Variants in ADAM9 observed in about 807,000 individuals in gnomAD.
The protein encoded by ADAM9 is disintegrin and metalloproteinase domain-containing protein 9.
Under a neutral mutation model 108.1 loss-of-function variants are expected in ADAM9, and 54 were observed. The ratio of observed to expected loss-of-function variants is 0.50; its 90% CI spans 0.40 to 0.63. The LOEUF is 0.63. Ranked by LOEUF, ADAM9 falls within the 20% of genes least tolerant of loss-of-function variation. ADAM9 has a pLI of 0.00. For synonymous variants in ADAM9, 316 were observed against 336.0 expected (o/e 0.94, Z 0.65); for missense variants, 830 against 997.7 (o/e 0.83, Z 2.26).
chr8:39,069,508 A>G (rs1449990151), intron 14 of ADAM9, among the ~76,000 whole-genome samples: 1 of 152,218 alleles, frequency 6.6e-6, no homozygotes, highest in African/African-American at 2.4e-5. Context: ...ATAAGTGAAG[A>G]ACTTGAGAGC....
intron 20 of ADAM9, among the ~76,000 whole-genome samples, chr8:39,099,911 G>A (rs1268597805): frequency 3.9e-4 from 52 of 133,638 alleles, no homozygotes; most frequent in Admixed American, 3.7e-3. Context: ...ATGGAGTCTC[G>A]CTGTGTTGCA....
At chr8:39,103,531 T>C (rs1293854539) in intron 21 of ADAM9, 76 bp from the exon 22 acceptor site, 30 of 1,365,494 alleles carry the variant, frequency 2.2e-5, no homozygotes, top group Admixed American at 5.0e-5. Flanking sequence ...GATGGTGTTA[T>C]GTTGAGCTTG....
At chr8:39,100,699 C>T (rs1839665249) in intron 20 of ADAM9, among the ~76,000 whole-genome samples, 1 of 152,148 alleles carries the variant, frequency 6.6e-6, no homozygotes, top group Non-Finnish European at 1.5e-5. Context: ...GATAGACCAC[C>T]TGTTCTATGG....
At chr8:39,083,501 A>G (rs1005212919) in intron 18 of ADAM9, among the ~76,000 whole-genome samples, 3 of 152,156 alleles carry the variant, frequency 2.0e-5, no homozygotes, top group East Asian at 1.9e-4. Flanking sequence ...TCATTTCACT[A>G]TGTTGAAGAC....
intron 9 of ADAM9, among the ~76,000 whole-genome samples, chr8:39,025,287 G>A (rs573842332): frequency 3.9e-5 from 6 of 152,112 alleles, no homozygotes; most frequent in African/African-American, 1.4e-4. Flanking sequence ...AGTAGAGATG[G>A]GGTTTCATGA....
At chr8:39,056,760 T>C (rs1237574421) in intron 14 of ADAM9, among the ~76,000 whole-genome samples, 1 of 152,164 alleles carries the variant, frequency 6.6e-6, no homozygotes, top group Non-Finnish European at 1.5e-5. Flanking sequence ...GATTGTGCCT[T>C]GAGTTGATTA....
chr8:39,094,906 ATTT>A lies in ADAM9; in HGVS notation c.2298+3563_2298+3565del, dbSNP rs1355744133. ...ATACTATTTTTCCAGTATTTCATTCATTTTTGCTCTGAACTTCACTATTCCCTT... is the reference window on the plus strand; with the variant it reads ...ATACTATTTTTCCAGTATTTCATTCATTGCTCTGAACTTCACTATTCCCTT... On this transcript the variant is annotated intron_variant, in intron 20 of 21. Coordinates refer to ENST00000487273, the MANE Select transcript of ADAM9 (RefSeq NM_003816.3). Among the ~76,000 whole-genome samples, 112 of 151,944 alleles carry A rather than the reference ATTT, an allele frequency of 7.4e-4. 1 individual carries two copies. Among genetic ancestry groups the A allele is most frequent in the African/African-American group, 2.6e-3 (106 of 41,444 alleles).
chr8:39,013,894 T>G, intron 3 of ADAM9, 71 bp from the exon 4 acceptor site: 1 of 1,172,138 alleles, frequency 8.5e-7, no homozygotes, highest in Admixed American at 1.7e-5. Context: ...CTAGGAATAA[T>G]GCCTTATGAA....
chr8:39,057,593 C>T (rs901612663), intron 14 of ADAM9, among the ~76,000 whole-genome samples: 1 of 152,034 alleles, frequency 6.6e-6, no homozygotes, highest in African/African-American at 2.4e-5. Flanking sequence ...AGAAGTCTGG[C>T]AGGCTCATGA....
chr8:39,084,817 T>C (rs182742776), intron 18 of ADAM9, among the ~76,000 whole-genome samples: 1 of 152,268 alleles, frequency 6.6e-6, no homozygotes, highest in Non-Finnish European at 1.5e-5. Context: ...TAACTGCCAA[T>C]TTGCCTATTT....
intron 1 of ADAM9, among the ~76,000 whole-genome samples, chr8:39,002,033 T>TAA (rs35778686): frequency 0.041 from 4,399 of 108,476 alleles, 259 homozygotes; most frequent in African/African-American, 0.13. Context: ...CTAGAATGAT[T>TAA]AAAAAAAAAA....
chr8:39,077,828 C>G (rs752835910), intron 16 of ADAM9, among the ~76,000 whole-genome samples: 5 of 152,136 alleles, frequency 3.3e-5, no homozygotes, highest in African/African-American at 4.8e-5. Flanking sequence ...GTCAGTCAGC[C>G]CATGACTTAT....
chr8:39,059,071 C>A (rs1441272463), intron 14 of ADAM9, among the ~76,000 whole-genome samples: 1 of 152,168 alleles, frequency 6.6e-6, no homozygotes, highest in Non-Finnish European at 1.5e-5. Context: ...ATGGTAAGGC[C>A]AGTGAATTCC....
chr8:39,027,531 A>T (rs1836960675), intron 11 of ADAM9, among the ~76,000 whole-genome samples: 1 of 152,192 alleles, frequency 6.6e-6, no homozygotes, highest in East Asian at 1.9e-4. Context: ...GCTGACTGGG[A>T]TTCAAAGTCA....
intron 12 of ADAM9, among the ~76,000 whole-genome samples, chr8:39,049,570 C>T (rs1017460258): frequency 2.6e-5 from 4 of 151,648 alleles, no homozygotes; most frequent in African/African-American, 7.3e-5. Context: ...TCCCAAGTAG[C>T]TGGGACTACA....
chr8:39,011,877 G>A (rs1211548309), intron 3 of ADAM9, among the ~76,000 whole-genome samples, 161 bp downstream of exon 3: 2 of 152,218 alleles, frequency 1.3e-5, no homozygotes, highest in Non-Finnish European at 2.9e-5. Context: ...TGGGCAGGCA[G>A]TGACTTCTAA....
intron 11 of ADAM9, among the ~76,000 whole-genome samples, chr8:39,032,131 AC>A (rs1441125944): frequency 6.6e-6 from 1 of 152,220 alleles, no homozygotes; most frequent in Non-Finnish European, 1.5e-5. Context: ...GGTGTCAGGG[AC>A]CCACTTGAGG....
At chr8:39,083,163 C>G in intron 18 of ADAM9, 90 bp downstream of exon 18, 1 of 900,470 alleles carries the variant, frequency 1.1e-6, no homozygotes, top group South Asian at 1.4e-5. Context: ...CTTCCCACAT[C>G]AGTTATACAT....
chr8:39,037,648 C>T (rs1406334920), intron 11 of ADAM9, among the ~76,000 whole-genome samples: 3 of 151,732 alleles, frequency 2.0e-5, no homozygotes, highest in Non-Finnish European at 4.4e-5. Context: ...AATTCCTGGG[C>T]TCAAGTGATC....
Sources: gnomAD v4.1 joint callset for allele counts (sites outside exome capture counted in the v4.1 genomes callset) on GRCh38, gnomAD v4.1.1 for gene constraint, MANE v1.5 for transcripts, NCBI Gene and HGNC (gene_info 2026-07-23, HGNC 2026-07-21) for gene names.